The following ITGA9 variants were observed in gnomAD, a reference collection of about 807,000 sequenced individuals.
The protein encoded by ITGA9 is integrin alpha-9.
Under a neutral mutation model 127.8 loss-of-function variants are expected in ITGA9, and 56 were observed. The ratio of observed to expected loss-of-function variants is 0.44; its 90% CI spans 0.35 to 0.55. The LOEUF (loss-of-function observed/expected upper bound fraction) is 0.55. Among genes scored for constraint, ITGA9 ranks in the 20% least tolerant of loss-of-function variants. ITGA9 has a pLI of 0.00. For synonymous variants in ITGA9, 508 were observed against 514.5 expected (o/e 0.99, Z 0.17); for missense variants, 1,196 against 1,347.1 (o/e 0.89, Z 1.76).
At chr3:37,769,181 A>T (rs1397025787) in intron 23 of ITGA9, among the ~76,000 whole-genome samples, 1 of 151,902 alleles carries the variant, frequency 6.6e-6, no homozygotes, top group African/African-American at 2.4e-5. Flanking sequence ...TCTACTAAAA[A>T]TACAAAATTA....
intron 18 of ITGA9, among the ~76,000 whole-genome samples, chr3:37,723,855 C>G (rs1323576636): frequency 6.6e-6 from 1 of 152,188 alleles, no homozygotes; most frequent in Non-Finnish European, 1.5e-5. Flanking sequence ...TAAAATTCTT[C>G]CTTGACTCAC....
chr3:37,518,336 C>T (rs1345414334), intron 10 of ITGA9, among the ~76,000 whole-genome samples: 1 of 152,204 alleles, frequency 6.6e-6, no homozygotes, highest in Non-Finnish European at 1.5e-5. Flanking sequence ...ATCCAGACGT[C>T]TTTGATACCT....
intron 15 of ITGA9, among the ~76,000 whole-genome samples, chr3:37,610,960 T>A (rs754336570): frequency 1.1e-4 from 16 of 151,926 alleles, no homozygotes; most frequent in Non-Finnish European, 2.4e-4. Flanking sequence ...AGGTTAAAAA[T>A]GAGGGAAGAT....
At chr3:37,464,950 C>T (rs1320770847) in intron 1 of ITGA9, among the ~76,000 whole-genome samples, 4 of 152,076 alleles carry the variant, frequency 2.6e-5, no homozygotes, top group Non-Finnish European at 2.9e-5. Context: ...GTAAGGGATG[C>T]GGACAATTCC....
chr3:37,728,751 C>T (rs758860379), intron 18 of ITGA9, among the ~76,000 whole-genome samples: 1 of 151,896 alleles, frequency 6.6e-6, no homozygotes, highest in Non-Finnish European at 1.5e-5. Flanking sequence ...AAGTGGTTCT[C>T]GGTGCCAGCA....
At position 37,475,058 on chromosome 3, in the gene ITGA9, C is replaced by T. The variant is rs138511365; in HGVS notation, c.420+1598C>T. Among the ~76,000 whole-genome samples the T allele has an allele frequency of 3.3e-4, 50 of 152,350 alleles. No individual in the cohort carries two copies. In the East Asian group the frequency reaches 7.7e-3, roughly 24 times the overall value. ...AGGTCCTGCACAGGCTCCCTGAGCC[C>T]GCTGTTTGCCTTGGTTTCCAGTCCT... On this transcript the variant is annotated intron_variant, in intron 3 of 27. Transcript: ENST00000264741.
At chr3:37,663,867 C>A (rs1296122181) in intron 17 of ITGA9, among the ~76,000 whole-genome samples, 1 of 152,224 alleles carries the variant, frequency 6.6e-6, no homozygotes, top group Non-Finnish European at 1.5e-5. Flanking sequence ...ATAACAGCAG[C>A]ACCTTATAAG....
intron 5 of ITGA9, 86 bp downstream of exon 5, chr3:37,494,654 G>A: frequency 6.6e-6 from 7 of 1,054,738 alleles, no homozygotes; most frequent in Non-Finnish European, 1.0e-5. Flanking sequence ...TTAGAGGTGG[G>A]ACTTCTGGAG....
At chr3:37,732,602 G>A (rs899159969) in intron 18 of ITGA9, 110 bp from the exon 19 acceptor site, 24 of 807,054 alleles carry the variant, frequency 3.0e-5, no homozygotes, top group Admixed American at 1.6e-4. Flanking sequence ...CGTCCCACTG[G>A]TGCCTACCGT....
chr3:37,770,888 A>G (rs900572030), intron 23 of ITGA9, among the ~76,000 whole-genome samples: 1 of 152,128 alleles, frequency 6.6e-6, no homozygotes, highest in Admixed American at 6.5e-5. Context: ...AGTCACCACC[A>G]TTTCATGGTT....
chr3:37,544,662 C>T (rs1271122534), intron 15 of ITGA9, among the ~76,000 whole-genome samples: 3 of 151,124 alleles, frequency 2.0e-5, no homozygotes, highest in Non-Finnish European at 1.5e-5. Flanking sequence ...CAGACCTTGA[C>T]GTGATTATTT....
In ITGA9 at chr3:37,779,923, T is replaced by G; in HGVS notation, c.2689T>G (p.Ser897Ala). 1 of 1,614,122 alleles carries G rather than the reference T, an allele frequency of 6.2e-7. No individual in the cohort carries two copies. Among genetic ancestry groups the G allele is most frequent in the Non-Finnish European group, 8.5e-7 (1 of 1,179,964 alleles). ...KVLDCEKPGI[S>A]CLTAHCNFSA... The stretch of plus-strand genomic sequence containing the variant: ...TCAGGACTGTGAAAAACCAGGAATT[T>G]CTTGCCTAACAGCACACTGTAACTT... Residue 897 changes from serine to alanine, a missense_variant, in exon 25 of 28, where the codon TCT (serine) becomes GCT (alanine). Physicochemically the swap from Ser to Ala is moderately conservative, Grantham distance 99. Transcript: ENST00000264741.
In ITGA9 at chr3:37,570,303, C is replaced by T. The variant is rs190238245; in HGVS notation, c.1689+27718C>T. On this transcript the variant is annotated intron_variant, in intron 15 of 27. Transcript: ENST00000264741. Reference sequence around the variant, plus strand: ...TTAAATATTGAGTGTCCAAAAGATTCGTGAACTGCATCTCAGCTGGGTGGG... The same window carrying T: ...TTAAATATTGAGTGTCCAAAAGATTTGTGAACTGCATCTCAGCTGGGTGGG... 3.7e-3 allele frequency among the ~76,000 whole-genome samples: 571 copies of T among 152,322 alleles called. 7 individuals are homozygous for T. The highest frequency in any genetic ancestry group is 0.013 in the African/African-American group (547 of 41,572).
chr3:37,651,939 C>T lies in ITGA9; in HGVS notation c.1840-1775C>T, dbSNP rs140878763. On this transcript the variant is annotated intron_variant, in intron 16 of 27. Transcript: ENST00000264741. ...GGATTTAGGTCACATCCTGTTCTTC[C>T]GTTCTCACCTCTTTCACCTCCATCT... Among the ~76,000 whole-genome samples the T allele has an allele frequency of 2.1e-3, 320 of 152,090 alleles. 7 individuals are homozygous for T. In the South Asian group the frequency reaches 0.035, roughly 17 times the overall value.
At chr3:37,639,535 G>C (rs1453851422) in intron 16 of ITGA9, among the ~76,000 whole-genome samples, 1 of 152,194 alleles carries the variant, frequency 6.6e-6, no homozygotes, top group Non-Finnish European at 1.5e-5. Flanking sequence ...GTGAGGGAAA[G>C]GGGAGAGGCC....
intron 18 of ITGA9, among the ~76,000 whole-genome samples, chr3:37,699,487 C>G (rs1700923168): frequency 6.6e-6 from 1 of 152,192 alleles, no homozygotes; most frequent in South Asian, 2.1e-4. Context: ...ATAATCCAGC[C>G]AGTTCTCACC....
chr3:37,732,766 GT>G lies in ITGA9; in HGVS notation c.2123del (p.Val708GlyfsTer6). On this transcript the variant is annotated frameshift_variant, in exon 19 of 28. Coordinates refer to ENST00000264741, the MANE Select transcript of ITGA9 (RefSeq NM_002207.3). LOFTEE classifies it high-confidence loss of function. ...GGAATCGGACTTCCTCAAATGCAGC[GT>G]GGGATTTCCTTTCATGAGGTCAAAG... is the stretch of plus-strand genomic sequence containing the variant. ...LLESDFLKCS[V>X]GFPFMRSKSK... The G allele has an allele frequency of 6.2e-7, 1 of 1,611,562 alleles. No individual in the cohort carries two copies. Among genetic ancestry groups the G allele is most frequent in the Non-Finnish European group, 8.5e-7 (1 of 1,179,388 alleles).
chr3:37,534,489 CAT>C (rs1427146425), intron 14 of ITGA9, among the ~76,000 whole-genome samples: 33 of 152,384 alleles, frequency 2.2e-4, no homozygotes, highest in African/African-American at 7.9e-4. Context: ...GTGGAGCACA[CAT>C]GTGTGCACAC....
chr3:37,629,463 C>T lies in ITGA9; in HGVS notation c.1839+127C>T, dbSNP rs939523584. The T allele has an allele frequency of 3.3e-5, 31 of 949,746 alleles. No individual in the cohort carries two copies. The highest frequency in any genetic ancestry group is 4.8e-5 in the Non-Finnish European group (29 of 605,526). 58.8% of individuals were successfully genotyped at this position (949,746 alleles called of 1,614,324 possible). A position where few individuals can be genotyped will look rare whatever the true frequency, so the allele number is the denominator to read the frequency against. ...AGACCGCAGCCAGGACACACCTCCT[C>T]TCTGGGTCTCCCTTTTCTGATCTGC... On this transcript the variant is annotated intron_variant, in intron 16 of 27. Transcript: ENST00000264741. This position sits in a 1 kb window ranked among gnomAD's most constrained non-coding sequence, Gnocchi z 4.5.
Sources: gnomAD v4.1 joint callset for allele counts (sites outside exome capture counted in the v4.1 genomes callset) on GRCh38, gnomAD v4.1.1 for gene constraint, Gnocchi (gnomAD v3.1) non-coding constraint, MANE v1.5 for transcripts, NCBI Gene and HGNC (gene_info 2026-07-23, HGNC 2026-07-21) for gene names.